Variants in KNTC1 observed in about 807,000 individuals in gnomAD.
KNTC1 encodes kinetochore associated 1, also known as kinetochore-associated protein 1.
Under a neutral mutation model 314.4 loss-of-function variants are expected in KNTC1, and 253 were observed. That is an observed-to-expected ratio of 0.80 (90% CI 0.73 to 0.89). The LOEUF is 0.89. Among genes scored for constraint, KNTC1 ranks in the 40% least tolerant of loss-of-function variants. KNTC1 has a pLI of 0.00. For synonymous variants in KNTC1, 901 were observed against 901.4 expected (o/e 1.00, Z 0.01); for missense variants, 2,475 against 2,572.9 (o/e 0.96, Z 0.82).
Position 122,624,514 on chromosome 12 carries a change from C to T in KNTC1, c.6516-84C>T, listed in dbSNP as rs766986569. 33 of 870,586 alleles carry T rather than the reference C, an allele frequency of 3.8e-5. No homozygotes were observed. The Admixed American group carries it at 4.1e-4, about 11-fold the overall frequency. 53.9% of individuals were successfully genotyped at this position (870,586 alleles called of 1,614,324 possible). A position where few individuals can be genotyped will look rare whatever the true frequency, so the allele number is the denominator to read the frequency against. On this transcript the variant is annotated intron_variant, in intron 62 of 63. Transcript: ENST00000333479. ...AACTCCTGGACCCAAGCCATCTGTA[C>T]ATCTTGGCCTCCCTGAGTGCCGGGA...
chr12:122,539,808 G>C (rs1339875918), intron 5 of KNTC1, 54 bp downstream of exon 5: 11 of 1,119,692 alleles, frequency 9.8e-6, no homozygotes, highest in African/African-American at 1.7e-5. Context: ...TTTTAATGGA[G>C]TCTCCCTTTG....
At position 122,567,078 on chromosome 12, in the gene KNTC1, A is replaced by C. The variant is rs1216287174; in HGVS notation, c.1605-1183A>C. On this transcript the variant is annotated intron_variant, in intron 20 of 63. Transcript: ENST00000333479. ...TGTGGCGAGCTAGTGATTAAAAAAA[A>C]CTTTTTTTTTTATTTGAGACAGTTT... Among the ~76,000 whole-genome samples, 3 of 148,886 alleles carry C rather than the reference A, an allele frequency of 2.0e-5. No individual in the cohort carries two copies. In the East Asian group the frequency reaches 6.1e-4, roughly 30 times the overall value.
chr12:122,623,743 A>G (rs1021313298), intron 62 of KNTC1, among the ~76,000 whole-genome samples: 6 of 152,206 alleles, frequency 3.9e-5, no homozygotes, highest in South Asian at 4.2e-4. Context: ...CCCAGGGGAA[A>G]AGCACTCAGA....
chr12:122,563,802 T>A (rs969965084), intron 20 of KNTC1: 22 of 1,475,568 alleles, frequency 1.5e-5, no homozygotes, highest in African/African-American at 2.9e-5. Context: ...TTCCACAGTT[T>A]TTTCAGCTTC....
At chr12:122,554,961 C>T (rs908453478) in intron 16 of KNTC1, among the ~76,000 whole-genome samples, 6 of 151,990 alleles carry the variant, frequency 3.9e-5, no homozygotes, top group Non-Finnish European at 8.8e-5. Context: ...AAGAGAATTG[C>T]TTGAGCCCGG....
At chr12:122,554,076 A>AAAAATATATATTTATATATAT (rs370146333) in intron 16 of KNTC1, among the ~76,000 whole-genome samples, 1 of 109,064 alleles carries the variant, frequency 9.2e-6, no homozygotes, top group African/African-American at 3.9e-5. Flanking sequence ...AAAAAAAAAA[A>AAAAATATATATTTATATATAT]ATATATATAT....
At chr12:122,562,748 G>A (rs906048736) in intron 20 of KNTC1, 49 bp downstream of exon 20, 18 of 1,109,640 alleles carry the variant, frequency 1.6e-5, no homozygotes, top group East Asian at 2.4e-5. Flanking sequence ...GGTGTCTCAC[G>A]CCTGTAATCC....
Position 122,580,660 on chromosome 12 carries a change from C to G in KNTC1, c.2972C>G (p.Ala991Gly). The G allele has an allele frequency of 6.4e-7, 1 of 1,561,480 alleles. No individual in the cohort carries two copies. Among genetic ancestry groups the G allele is most frequent in the Middle Eastern group, 1.7e-4 (1 of 5,974 alleles). The change falls in exon 33 of 64, where the codon GCT becomes GGT. Residue 991 changes from alanine (A) to glycine (G), a missense_variant. By Grantham distance (60) the Ala-to-Gly change is moderately conservative. Transcript: ENST00000333479. The stretch of plus-strand genomic sequence containing the variant: ...ATGTTGAAACTATTTAAAGAGGTTG[C>G]TAGCTTACAGGTAAACATATTGAGC... ...EEMLKLFKEV[A>G]SLQENFEVFL... is the part of the protein sequence containing the mutation.
rs770926347 is a variant in KNTC1 at position 122,571,372 on chromosome 12, A to AT, written c.2019+251dup. Among the ~76,000 whole-genome samples, 137 of 150,974 alleles carry AT rather than the reference A, an allele frequency of 9.1e-4. 2 individuals carry two copies. The highest frequency in any genetic ancestry group is 2.7e-4 in the Non-Finnish European group (18 of 67,774). On this transcript the variant is annotated intron_variant, in intron 24 of 63. Transcript: ENST00000333479. Reference sequence around the variant, plus strand: ...TTATATATTTATTTATTTATTATTCATTTTTGAGACAAGGTCTCACTCTGT... The same window carrying AT: ...TTATATATTTATTTATTTATTATTCATTTTTTGAGACAAGGTCTCACTCTGT...
At position 122,622,491 on chromosome 12, in the gene KNTC1, CAAT is replaced by C; in HGVS notation, c.6402_6404del (p.Asn2134del). 1 of 1,581,376 alleles carries C rather than the reference CAAT, an allele frequency of 6.3e-7. No homozygotes were observed. Among genetic ancestry groups the C allele is most frequent in the South Asian group, 1.2e-5 (1 of 86,420 alleles). On this transcript the variant is annotated inframe_deletion, in exon 62 of 64. Transcript: ENST00000333479. Reference sequence around the variant, plus strand: ...GAAGTCTGATTTTGAATAATATCATCAATAAGAAGGAGTTTGGGATTTTGGCAA... The same window carrying C: ...GAAGTCTGATTTTGAATAATATCATCAAGAAGGAGTTTGGGATTTTGGCAA...
At position 122,584,881 on chromosome 12, in the gene KNTC1, A is replaced by AT. The variant is rs758512208; in HGVS notation, c.3437-8dup. The AT allele has an allele frequency of 7.5e-7, 1 of 1,332,540 alleles. No individual in the cohort carries two copies. Among genetic ancestry groups the AT allele is most frequent in the South Asian group, 1.2e-5 (1 of 81,348 alleles). The allele number at this position is 1,332,540 out of a possible 1,614,324, so 82.5% of individuals were successfully genotyped here. On this transcript the variant is annotated splice_polypyrimidine_tract_variant and intron_variant, in intron 35 of 63. Transcript: ENST00000333479. ...AATATGAGTTTAATGATTTTTCTCC[A>AT]TTTTGTTTCAGATTTTTTACTAGAT...
rs766849327 is a variant in KNTC1, at chr12:122,576,901, G to C, written c.2593G>C (p.Val865Leu). Reference sequence around the variant, plus strand: ...TTCATATTGTCTTTTGCAGAGAGTGGTTAGATACATTCTCAAACAAGATGT... The same window carrying C: ...TTCATATTGTCTTTTGCAGAGAGTGCTTAGATACATTCTCAAACAAGATGT... ...NLLNKEIMRV[V>L]RYILKQDVPS... The change falls in exon 30 of 64, where the codon GTT becomes CTT. Residue 865 changes from valine to leucine, a missense_variant. By Grantham distance (32) the Val-to-Leu change is conservative. Transcript: ENST00000333479. 1 of 1,580,210 alleles carries C rather than the reference G, an allele frequency of 6.3e-7. No individual in the cohort carries two copies. Among genetic ancestry groups the C allele is most frequent in the Non-Finnish European group, 8.6e-7 (1 of 1,167,318 alleles).
Position 122,546,267 on chromosome 12 carries a change from A to G in KNTC1, c.761A>G (p.Lys254Arg). The change falls in exon 9 of 64, where the codon AAA (lysine) becomes AGA (arginine). Residue 254 changes from lysine to arginine, a missense_variant and splice_region_variant. Lys to Arg is a conservative substitution (Grantham distance 26, BLOSUM62 2). Coordinates refer to ENST00000333479, the MANE Select transcript of KNTC1 (RefSeq NM_014708.6). ...VKNLIDAEII[K>R]GAKKFQLIDN... ...AACCTTATTGATGCAGAGATTATTAAAGGTAAAATAAGTTAATGAAACTAC... is the reference window on the plus strand; with the variant it reads ...AACCTTATTGATGCAGAGATTATTAGAGGTAAAATAAGTTAATGAAACTAC... 2 of 1,526,046 alleles carry G rather than the reference A, an allele frequency of 1.3e-6. No homozygotes were observed. The highest frequency in any genetic ancestry group is 1.8e-6 in the Non-Finnish European group (2 of 1,102,086). 94.5% of individuals were successfully genotyped at this position (1,526,046 alleles called of 1,614,324 possible).
At position 122,536,018 on chromosome 12, in the gene KNTC1, T is replaced by A. The variant is rs1961788783; in HGVS notation, c.250+1234T>A. 1.4e-5 allele frequency among the ~76,000 whole-genome samples: 2 copies of A among 144,146 alleles called. 1 individual carries two copies. The allele number at this position is 144,146 out of a possible 152,430, so 94.6% of individuals were successfully genotyped here. A position where few individuals can be genotyped will look rare whatever the true frequency, so the allele number is the denominator to read the frequency against. On this transcript the variant is annotated intron_variant, in intron 3 of 63. Transcript: ENST00000333479. ...ACACCATTCTCCTGCCTCAGCCTCC[T>A]GAATAGCTGGGACTACAGGCGCCCA... is the stretch of plus-strand genomic sequence containing the variant.
At chr12:122,550,880 A>G (rs1963149552) in intron 13 of KNTC1, among the ~76,000 whole-genome samples, 1 of 152,008 alleles carries the variant, frequency 6.6e-6, no homozygotes, top group Non-Finnish European at 1.5e-5. Context: ...CTCTATTTGG[A>G]TTTGATTGTT....
In KNTC1 at chr12:122,585,689, C is replaced by T. The variant is rs762909171; in HGVS notation, c.3588C>T (p.Phe1196=). The part of the protein sequence containing the change: ...DPYEEWSYSD[F]FSEDGIVLES... ...ATGAAGAGTGGTCTTACAGTGACTT[C>T]TTCAGTGAAGATGGAATTGTTCTTG... The change falls in exon 37 of 64, where the codon TTC becomes TTT. Residue 1196 remains phenylalanine (F), a synonymous_variant. Coordinates refer to ENST00000333479, the MANE Select transcript of KNTC1 (RefSeq NM_014708.6). The T allele has an allele frequency of 6.2e-7, 1 of 1,613,748 alleles. No individual in the cohort carries two copies. Among genetic ancestry groups the T allele is most frequent in the Non-Finnish European group, 8.5e-7 (1 of 1,179,662 alleles).
rs184531789 is a variant in KNTC1 at position 122,563,725 on chromosome 12, G to T, written c.1604+1026G>T. 3.7e-6 allele frequency: 5 copies of T among 1,357,852 alleles called. No individual in the cohort carries two copies. In the East Asian group the frequency reaches 1.3e-4, roughly 36 times the overall value. 84.1% of individuals were successfully genotyped at this position (1,357,852 alleles called of 1,614,324 possible). ...TGGATTTACTTATATTTTACTTAGTGAAAATGTCACCTCTTTAGAATGATC... is the reference window on the plus strand; with the variant it reads ...TGGATTTACTTATATTTTACTTAGTTAAAATGTCACCTCTTTAGAATGATC... On this transcript the variant is annotated intron_variant, in intron 20 of 63. Transcript: ENST00000333479.
chr12:122,560,459 A>AC (rs548446324), intron 18 of KNTC1, among the ~76,000 whole-genome samples: 4 of 151,842 alleles, frequency 2.6e-5, no homozygotes, highest in African/African-American at 9.7e-5. Flanking sequence ...ACCTCTGCCC[A>AC]CCCCCCAGGC....
intron 41 of KNTC1, 37 bp from the exon 42 acceptor site, chr12:122,591,300 C>T (rs1477881936): frequency 9.6e-7 from 1 of 1,046,866 alleles, no homozygotes; most frequent in Admixed American, 1.7e-5. Flanking sequence ...ATACATTCTA[C>T]TTACGATTGA....
Sources: gnomAD v4.1 joint callset for allele counts (sites outside exome capture counted in the v4.1 genomes callset) on GRCh38, gnomAD v4.1.1 for gene constraint, MANE v1.5 for transcripts, NCBI Gene and HGNC (gene_info 2026-07-23, HGNC 2026-07-21) for gene names.